Variants in CYP39A1 observed in about 807,000 individuals in gnomAD.
CYP39A1 encodes 24-hydroxycholesterol 7-alpha-hydroxylase.
Under a neutral mutation model 58.1 loss-of-function variants are expected in CYP39A1, and 49 were observed. The observed-to-expected ratio is 0.84, with a 90% CI of 0.67 to 1.07. The LOEUF (loss-of-function observed/expected upper bound fraction) is 1.07, where lower values mean the gene tolerates loss of function less well. Ranked by LOEUF, CYP39A1 falls within the 50% of genes least tolerant of loss-of-function variation. The pLI, the probability that CYP39A1 is intolerant of heterozygous loss-of-function variation, is 0.00. For missense variants in CYP39A1, 531 were observed against 539.4 expected, an observed-to-expected ratio of 0.98 and a Z score of 0.16; for synonymous variants, 209 against 187.6, an observed-to-expected ratio of 1.11 and a Z score of -0.93.
At chr6:46,558,414 T>A (rs1770773778) in intron 10 of CYP39A1, among the ~76,000 whole-genome samples, 1 of 151,926 alleles carries the variant, frequency 6.6e-6, no homozygotes, top group Non-Finnish European at 1.5e-5. Flanking sequence ...AAGGGGGAAG[T>A]GCCACACACT....
intron 10 of CYP39A1, chr6:46,583,294 C>CA: frequency 1.0e-6 from 1 of 985,328 alleles, no homozygotes; most frequent in African/African-American, 1.7e-5. Flanking sequence ...AATGACACAG[C>CA]AAATCAGGCA....
At chr6:46,611,373 G>C (rs1434117155) in intron 7 of CYP39A1, among the ~76,000 whole-genome samples, 1 of 152,212 alleles carries the variant, frequency 6.6e-6, no homozygotes, top group African/African-American at 2.4e-5. Context: ...AAGATATGAA[G>C]GACTGACTGC....
chr6:46,652,008 T>C (rs912419853), intron 1 of CYP39A1, among the ~76,000 whole-genome samples: 9 of 152,244 alleles, frequency 5.9e-5, no homozygotes, highest in African/African-American at 1.9e-4. Context: ...GCAAGCAATT[T>C]GTACAATACT....
intron 7 of CYP39A1, among the ~76,000 whole-genome samples, chr6:46,613,090 T>C (rs1774312984): frequency 6.6e-6 from 1 of 152,206 alleles, no homozygotes; most frequent in Admixed American, 6.5e-5. Flanking sequence ...ACTAATCAAC[T>C]AATTAAAATA....
At chr6:46,635,934 A>G (rs538216516) in intron 5 of CYP39A1, among the ~76,000 whole-genome samples, 21 of 152,202 alleles carry the variant, frequency 1.4e-4, no homozygotes, top group African/African-American at 5.1e-4. Flanking sequence ...TTGAAGAACC[A>G]CAGATCTGGA....
chr6:46,628,408 A>G (rs1323587163), intron 6 of CYP39A1, among the ~76,000 whole-genome samples: 1 of 152,218 alleles, frequency 6.6e-6, no homozygotes, highest in Admixed American at 6.5e-5. Flanking sequence ...AGAATGTAAG[A>G]GATGCAGCAG....
intron 10 of CYP39A1, among the ~76,000 whole-genome samples, chr6:46,555,970 A>C (rs1001919587): frequency 6.6e-6 from 1 of 152,230 alleles, no homozygotes; most frequent in Non-Finnish European, 1.5e-5. Context: ...GAAATAGGAC[A>C]TGGCTAATAT....
At chr6:46,609,296 G>C (rs1008339572) in intron 7 of CYP39A1, among the ~76,000 whole-genome samples, 3 of 151,782 alleles carry the variant, frequency 2.0e-5, no homozygotes, top group Non-Finnish European at 4.4e-5. Context: ...CCAGCTACTC[G>C]GGAGGCTGAG....
At chr6:46,605,298 T>G (rs1773772601) in intron 7 of CYP39A1, among the ~76,000 whole-genome samples, 1 of 152,112 alleles carries the variant, frequency 6.6e-6, no homozygotes, top group African/African-American at 2.4e-5. Flanking sequence ...GGGCTGCCAG[T>G]GTGCAAGGTA....
chr6:46,583,317 A>G (rs1772256378), intron 10 of CYP39A1: 2 of 985,272 alleles, frequency 2.0e-6, no homozygotes, highest in African/African-American at 3.5e-5. Flanking sequence ...CTCTTGCAGG[A>G]ATTAGAACCA....
chr6:46,636,806 C>T (rs1381362127), intron 4 of CYP39A1, among the ~76,000 whole-genome samples: 1 of 152,144 alleles, frequency 6.6e-6, no homozygotes, highest in Non-Finnish European at 1.5e-5. Flanking sequence ...GATGAAAACC[C>T]AATGCACAGA....
At chr6:46,651,814 G>C (rs970573529) in intron 1 of CYP39A1, among the ~76,000 whole-genome samples, 1 of 152,094 alleles carries the variant, frequency 6.6e-6, no homozygotes, top group Non-Finnish European at 1.5e-5. Context: ...AAACTTAAAA[G>C]ACATTAATAA....
chr6:46,575,837 T>C (rs1326940299), intron 10 of CYP39A1, among the ~76,000 whole-genome samples: 1 of 152,182 alleles, frequency 6.6e-6, no homozygotes, highest in Non-Finnish European at 1.5e-5. Flanking sequence ...CCTCTGAAAA[T>C]ATCCAGATAT....
intron 7 of CYP39A1, among the ~76,000 whole-genome samples, chr6:46,602,923 T>TC (rs1773600924): frequency 8.2e-6 from 1 of 122,604 alleles, no homozygotes; most frequent in Non-Finnish European, 1.7e-5. Flanking sequence ...AAATATAAAA[T>TC]GGGGGGGGGG....
In CYP39A1 at chr6:46,587,065, T is replaced by C; in HGVS notation, c.1250+12A>G. 1 of 1,600,728 alleles carries C rather than the reference T, an allele frequency of 6.2e-7. No homozygotes were observed. Among genetic ancestry groups the C allele is most frequent in the Non-Finnish European group, 8.5e-7 (1 of 1,169,688 alleles). ...ACTTTCTGGATAAATGTGGCCCAGC[T>C]GTCTCACTGACCTTGCAGGACACTG... On this transcript the variant is annotated intron_variant, in intron 10 of 11. Transcript: ENST00000275016.
At chr6:46,603,606 G>A (rs1420581202) in intron 7 of CYP39A1, among the ~76,000 whole-genome samples, 3 of 152,100 alleles carry the variant, frequency 2.0e-5, no homozygotes, top group Non-Finnish European at 4.4e-5. Flanking sequence ...ATGTCCCTGT[G>A]GTTTTGTATT....
At chr6:46,574,107 T>G (rs1320992967) in intron 10 of CYP39A1, among the ~76,000 whole-genome samples, 2 of 152,182 alleles carry the variant, frequency 1.3e-5, no homozygotes, top group Non-Finnish European at 2.9e-5. Flanking sequence ...GATGTTGCCA[T>G]GGAGTCAGTT....
rs137900158 is a variant in CYP39A1, at chr6:46,625,429, A to G, written c.920T>C (p.Phe307Ser). The change falls in exon 7 of 12, where the codon TTT becomes TCT. Residue 307 changes from phenylalanine to serine, a missense_variant. Physicochemically the swap from Phe to Ser is radical, Grantham distance 155. Transcript: ENST00000275016. ...ATAAGGTTTAGTACCTGCTTTGCCA[A>G]ACACAGAAGATATGCCTTCCATAAT... The part of the protein sequence containing the change: ...KAIMEGISSV[F>S]GKAGKDKIKV... 569 of 1,606,578 alleles carry G rather than the reference A, an allele frequency of 3.5e-4. No individual in the cohort carries two copies. The highest frequency in any genetic ancestry group is 4.7e-4 in the Non-Finnish European group (553 of 1,176,030).
chr6:46,613,204 A>G (rs1213228172), intron 7 of CYP39A1, among the ~76,000 whole-genome samples: 1 of 152,224 alleles, frequency 6.6e-6, no homozygotes, highest in Non-Finnish European at 1.5e-5. Context: ...TCACCAGTGT[A>G]TAACGTGTAG....
Sources: allele counts gnomAD v4.1 joint callset (sites outside exome capture counted in the v4.1 genomes callset), GRCh38; gene constraint gnomAD v4.1.1; transcripts MANE v1.5; gene names NCBI Gene and HGNC (gene_info 2026-07-23, HGNC 2026-07-21).